NCKAP5: variants seen among roughly 807,000 people sequenced by gnomAD.
The protein encoded by NCKAP5 is NCK associated protein 5, also known as nck-associated protein 5.
A neutral mutation model predicts 167.0 loss-of-function variants in NCKAP5; 92 were observed. That is an observed-to-expected ratio of 0.55 (90% CI 0.47 to 0.66). The LOEUF is 0.66. Among genes scored for constraint, NCKAP5 ranks in the 30% least tolerant of loss-of-function variants. NCKAP5 has a pLI of 0.00. For synonymous variants in NCKAP5, 891 were observed against 877.4 expected, an observed-to-expected ratio of 1.02 and a Z score of -0.27; for missense variants, 2,378 against 2,315.0, an observed-to-expected ratio of 1.03 and a Z score of -0.56.
chr2:133,470,560 C>T (rs892521806), intron 3 of NCKAP5, among the ~76,000 whole-genome samples: 1 of 152,234 alleles, frequency 6.6e-6, no homozygotes, highest in African/African-American at 2.4e-5. Flanking sequence ...TTCCTGGCTG[C>T]TTTGTTTACC....
intron 3 of NCKAP5, among the ~76,000 whole-genome samples, chr2:133,428,422 T>C (rs1233481870): frequency 6.6e-6 from 1 of 152,174 alleles, no homozygotes; most frequent in East Asian, 1.9e-4. Flanking sequence ...GTATTTGCTT[T>C]GTAGGTGGAA....
At chr2:132,758,348 T>G (rs891876991) in intron 16 of NCKAP5, among the ~76,000 whole-genome samples, 4 of 152,238 alleles carry the variant, frequency 2.6e-5, no homozygotes, top group Non-Finnish European at 5.9e-5. Context: ...AGGGTTTTTG[T>G]AAATCTACAA....
intron 7 of NCKAP5, among the ~76,000 whole-genome samples, chr2:132,989,202 G>A (rs559174478): frequency 3.3e-4 from 51 of 152,324 alleles, no homozygotes; most frequent in African/African-American, 9.1e-4. Context: ...CAGGCTGTCC[G>A]TGTTTAAATA....
Position 132,819,665 on chromosome 2 carries a change from AT to A in NCKAP5, c.808-22937del, listed in dbSNP as rs752370650. ...GCTTCTGAAGAGGCTTTTTCATTAG[AT>A]TTTTTTTTTTTTGGTTGAAGTCATT... On this transcript the variant is annotated intron_variant, in intron 11 of 19. Transcript: ENST00000409261. 6.9e-3 allele frequency among the ~76,000 whole-genome samples: 1,007 copies of A among 145,324 alleles called. 5 individuals are homozygous for A. The highest frequency in any genetic ancestry group is 0.014 in the African/African-American group (555 of 39,918).
At chr2:132,956,456 A>C (rs754424478) in intron 8 of NCKAP5, among the ~76,000 whole-genome samples, 43 of 152,306 alleles carry the variant, frequency 2.8e-4, no homozygotes, top group Non-Finnish European at 5.4e-4. Flanking sequence ...CTGAGTTTTT[A>C]AAAAGCTCTA....
intron 5 of NCKAP5, among the ~76,000 whole-genome samples, chr2:133,143,438 A>C (rs1039652149): frequency 6.6e-6 from 1 of 152,190 alleles, no homozygotes; most frequent in Non-Finnish European, 1.5e-5. Context: ...ATAAATAAAA[A>C]CACAACTGCT....
intron 3 of NCKAP5, among the ~76,000 whole-genome samples, chr2:133,384,721 T>C (rs1686801688): frequency 6.6e-6 from 1 of 152,246 alleles, no homozygotes; most frequent in Non-Finnish European, 1.5e-5. Context: ...TTGTGTCCTC[T>C]TTTATTTCAT....
chr2:133,512,778 T>C (rs1370455192), intron 3 of NCKAP5, among the ~76,000 whole-genome samples: 1 of 152,140 alleles, frequency 6.6e-6, no homozygotes, highest in Non-Finnish European at 1.5e-5. Flanking sequence ...ATCCTTGGGT[T>C]GCCTCTTTTT....
intron 3 of NCKAP5, among the ~76,000 whole-genome samples, chr2:133,457,625 A>T (rs1386758131): frequency 6.6e-6 from 1 of 152,184 alleles, no homozygotes; most frequent in African/African-American, 2.4e-5. Flanking sequence ...TTCATTCAGA[A>T]CAATCAGTAA....
At chr2:132,839,118 A>G (rs919016967) in intron 11 of NCKAP5, among the ~76,000 whole-genome samples, 6 of 152,150 alleles carry the variant, frequency 3.9e-5, no homozygotes, top group Admixed American at 2.0e-4. Flanking sequence ...TTGTCCTCTT[A>G]ATTCAAATAC....
At chr2:133,001,586 AC>A (rs1342968167) in intron 6 of NCKAP5, among the ~76,000 whole-genome samples, 1 of 152,072 alleles carries the variant, frequency 6.6e-6, no homozygotes, top group Non-Finnish European at 1.5e-5. Flanking sequence ...TCAAGATGAT[AC>A]TCCCAGTAAT....
chr2:133,125,724 A>ATATT (rs2082383318), intron 6 of NCKAP5, among the ~76,000 whole-genome samples: 3 of 152,168 alleles, frequency 2.0e-5, no homozygotes, highest in Admixed American at 2.0e-4. Flanking sequence ...TTCTTTATCC[A>ATATT]TATTTACATT....
At chr2:133,442,889 G>C (rs1214672213) in intron 3 of NCKAP5, among the ~76,000 whole-genome samples, 2 of 152,204 alleles carry the variant, frequency 1.3e-5, no homozygotes, top group Admixed American at 6.5e-5. Flanking sequence ...GGCAGCCACA[G>C]AGTGCTCCTC....
chr2:132,952,640 A>G (rs1367128866), intron 8 of NCKAP5, among the ~76,000 whole-genome samples: 2 of 152,204 alleles, frequency 1.3e-5, no homozygotes. Context: ...TCGGCTGCCT[A>G]TTACTGAGAA....
At chr2:133,120,924 G>A (rs895042564) in intron 6 of NCKAP5, among the ~76,000 whole-genome samples, 5 of 152,072 alleles carry the variant, frequency 3.3e-5, no homozygotes, top group Admixed American at 6.6e-5. Context: ...TTCTACTTTA[G>A]TGAAGATATT....
At chr2:133,000,240 G>A (rs865855780) in intron 6 of NCKAP5, among the ~76,000 whole-genome samples, 26 of 152,244 alleles carry the variant, frequency 1.7e-4, no homozygotes, top group Admixed American at 2.6e-4. Context: ...TTGAGAAATT[G>A]TGTCGATTTA....
chr2:133,088,192 G>C (rs2081058675), intron 6 of NCKAP5, among the ~76,000 whole-genome samples: 1 of 152,136 alleles, frequency 6.6e-6, no homozygotes, highest in Non-Finnish European at 1.5e-5. Context: ...CAAGTAATTG[G>C]CTCCTAGAAT....
chr2:133,106,681 G>C (rs968950224), intron 6 of NCKAP5, among the ~76,000 whole-genome samples: 1 of 152,210 alleles, frequency 6.6e-6, no homozygotes, highest in South Asian at 2.1e-4. Flanking sequence ...TTGTGTGACT[G>C]TAAAAACAGC....
chr2:132,975,854 T>C (rs546424837), intron 7 of NCKAP5, among the ~76,000 whole-genome samples: 1 of 152,134 alleles, frequency 6.6e-6, no homozygotes, highest in African/African-American at 2.4e-5. Flanking sequence ...TTTATCCTGT[T>C]TTCTAAAGGA....
Sources: gnomAD v4.1 joint callset for allele counts (sites outside exome capture counted in the v4.1 genomes callset) on GRCh38, gnomAD v4.1.1 for gene constraint, MANE v1.5 for transcripts, NCBI Gene and HGNC (gene_info 2026-07-23, HGNC 2026-07-21) for gene names.